LIPG: variants seen among roughly 807,000 people sequenced by gnomAD.
The protein encoded by LIPG is endothelial lipase.
A neutral mutation model predicts 51.8 loss-of-function variants in LIPG; 34 were observed. That is an observed-to-expected ratio of 0.66 (90% CI 0.50 to 0.87). LIPG has a LOEUF of 0.87. LIPG is among the 40% of genes least tolerant of loss of function. LIPG has a pLI of 0.00. For missense variants in LIPG, 580 were observed against 652.7 expected, an observed-to-expected ratio of 0.89 and a Z score of 1.21; for synonymous variants, 246 against 246.1, an observed-to-expected ratio of 1.00 and a Z score of 0.00.
rs2084555838 is a variant in LIPG at position 49,562,099 on chromosome 18, A to G, written c.-210A>G. The G allele has an allele frequency of 5.5e-6, 8 of 1,449,184 alleles. No homozygotes were observed. The South Asian group carries it at 1.2e-4, about 21-fold the overall frequency. 89.8% of individuals were successfully genotyped at this position (1,449,184 alleles called of 1,614,324 possible). On this transcript the variant is annotated 5_prime_UTR_variant, in exon 1 of 10. Coordinates refer to ENST00000261292, the MANE Select transcript of LIPG (RefSeq NM_006033.4). ...TCCCGGCGGCTCAGGACGAGGGCAG[A>G]TCTCGTTCTGGGGCAAGCCGTTGAC...
intron 9 of LIPG, 74 bp downstream of exon 9, chr18:49,586,924 G>C: frequency 9.2e-7 from 1 of 1,092,654 alleles, no homozygotes; most frequent in Non-Finnish European, 1.4e-6. Flanking sequence ...GCTGGGGATG[G>C]ATCTGGGTGC....
At chr18:49,572,765 C>T (rs1297596081) in intron 4 of LIPG, among the ~76,000 whole-genome samples, 1 of 149,880 alleles carries the variant, frequency 6.7e-6, no homozygotes, top group African/African-American at 2.5e-5. Context: ...AGCCGTTGAA[C>T]TACAGCAGGC....
At chr18:49,584,548 G>A (rs1250363472) in intron 8 of LIPG, among the ~76,000 whole-genome samples, 2 of 152,166 alleles carry the variant, frequency 1.3e-5, no homozygotes, top group African/African-American at 4.8e-5. Context: ...CCTTGGCATG[G>A]GAGGAGGCAG....
intron 7 of LIPG, among the ~76,000 whole-genome samples, chr18:49,583,127 CT>C (rs2084841129): frequency 2.0e-5 from 3 of 152,146 alleles, no homozygotes; most frequent in Admixed American, 2.0e-4. Context: ...TGGATGAGGT[CT>C]GTGGGGGGAG....
intron 7 of LIPG, 130 bp downstream of exon 7, chr18:49,582,612 C>G (rs1227082876): frequency 8.1e-7 from 1 of 1,238,366 alleles, no homozygotes; most frequent in East Asian, 2.3e-5. Flanking sequence ...AGGGAGGAGC[C>G]AGGTGGTCTA....
chr18:49,579,941 T>G (rs1427846156), intron 5 of LIPG, among the ~76,000 whole-genome samples: 1 of 152,120 alleles, frequency 6.6e-6, no homozygotes, highest in Admixed American at 6.5e-5. Flanking sequence ...GCCTCCCAAG[T>G]AGCAGGGACT....
At chr18:49,578,074 G>A (rs1183584518) in intron 5 of LIPG, among the ~76,000 whole-genome samples, 2,567 of 76,308 alleles carry the variant, frequency 0.034, no homozygotes, top group South Asian at 0.063. Context: ...GGGGGGGCTG[G>A]CCCCCCACCT....
chr18:49,574,573 G>A (rs1014297115), intron 4 of LIPG, among the ~76,000 whole-genome samples: 7 of 152,108 alleles, frequency 4.6e-5, no homozygotes, highest in Non-Finnish European at 8.8e-5. Context: ...CTCCCCCAAC[G>A]CACACGCATA....
chr18:49,562,439 C>CT, intron 1 of LIPG, 34 bp downstream of exon 1: 1 of 1,549,842 alleles, frequency 6.5e-7, no homozygotes, highest in Non-Finnish European at 8.9e-7. Context: ...CCCCCAGCCA[C>CT]TTCTCTGTGC....
chr18:49,569,412 C>T (rs930569875), intron 3 of LIPG, 25 bp from the exon 4 acceptor site: 1 of 1,595,966 alleles, frequency 6.3e-7, no homozygotes, highest in Admixed American at 1.7e-5. Context: ...CTCTTCTGCT[C>T]ACATACTTTG....
chr18:49,566,297 C>T (rs911110079), intron 2 of LIPG, among the ~76,000 whole-genome samples: 3 of 152,170 alleles, frequency 2.0e-5, no homozygotes, highest in African/African-American at 7.2e-5. Flanking sequence ...GATTAAGAGC[C>T]TGTCTAACCC....
intron 6 of LIPG, 98 bp downstream of exon 6, chr18:49,581,755 T>A: frequency 7.0e-7 from 1 of 1,434,896 alleles, no homozygotes; most frequent in Non-Finnish European, 9.7e-7. Context: ...CCAGGAGAAG[T>A]GGCCAGCACA....
intron 9 of LIPG, among the ~76,000 whole-genome samples, chr18:49,587,568 CAAAAAAAAAAAA>C (rs34734805): frequency 1.4e-4 from 6 of 42,308 alleles, no homozygotes; most frequent in Admixed American, 8.3e-4. Context: ...GACTCCGTCT[CAAAAAAAAAAAA>C]AAAAAAAAAA....
chr18:49,581,366 T>A, intron 5 of LIPG, 49 bp from the exon 6 acceptor site: 1 of 1,612,626 alleles, frequency 6.2e-7, no homozygotes, highest in Non-Finnish European at 8.5e-7. Flanking sequence ...GAGTGTCTAA[T>A]CATCAAGAAG....
chr18:49,576,736 G>A (rs563282824), intron 5 of LIPG, among the ~76,000 whole-genome samples: 27 of 152,110 alleles, frequency 1.8e-4, no homozygotes, highest in African/African-American at 6.5e-4. Context: ...CTCCCAAAGT[G>A]CTGGGATTAC....
chr18:49,577,739 G>C (rs1190370812), intron 5 of LIPG, among the ~76,000 whole-genome samples: 1 of 73,362 alleles, frequency 1.4e-5, no homozygotes, highest in African/African-American at 8.3e-5. Context: ...CTGGCCGGGC[G>C]GGGGGGCTGA....
chr18:49,571,028 A>G (rs8093249), intron 4 of LIPG, among the ~76,000 whole-genome samples: 20,435 of 152,214 alleles, frequency 0.13, 1,473 homozygotes, highest in Middle Eastern at 0.19. Flanking sequence ...ATGCATGCAC[A>G]CACATGCCTG....
intron 1 of LIPG, among the ~76,000 whole-genome samples, chr18:49,563,873 G>C (rs2084576085): frequency 6.6e-6 from 1 of 152,088 alleles, no homozygotes; most frequent in Non-Finnish European, 1.5e-5. Context: ...CCATATGTGG[G>C]TTTATCCGCA....
chr18:49,564,815 TG>T (rs1489921546), intron 1 of LIPG, among the ~76,000 whole-genome samples: 1 of 152,232 alleles, frequency 6.6e-6, no homozygotes, highest in African/African-American at 2.4e-5. Flanking sequence ...CCCTCAAATG[TG>T]AGTGGTTATG....
Sources: allele counts gnomAD v4.1 joint callset (sites outside exome capture counted in the v4.1 genomes callset), GRCh38; gene constraint gnomAD v4.1.1; transcripts MANE v1.5; gene names NCBI Gene and HGNC (gene_info 2026-07-23, HGNC 2026-07-21).